The following FBXL17 variants were observed in gnomAD, a reference collection of about 807,000 sequenced individuals.
FBXL17 encodes F-box/LRR-repeat protein 17.
A neutral mutation model predicts 66.2 loss-of-function variants in FBXL17; 22 were observed. The ratio of observed to expected loss-of-function variants is 0.33; its 90% CI spans 0.24 to 0.47. The LOEUF is 0.47. Among genes scored for constraint, FBXL17 ranks in the 20% least tolerant of loss-of-function variants. FBXL17 has a pLI of 1.00. For synonymous variants in FBXL17, 474 were observed against 400.5 expected, an observed-to-expected ratio of 1.18 and a Z score of -2.19; for missense variants, 878 against 948.2, an observed-to-expected ratio of 0.93 and a Z score of 0.97.
chr5:108,212,464 T>A (rs1754418051), intron 5 of FBXL17, among the ~76,000 whole-genome samples: 1 of 152,208 alleles, frequency 6.6e-6, no homozygotes, highest in African/African-American at 2.4e-5. Flanking sequence ...CCCATCTTTG[T>A]GATTTACCTA....
chr5:108,122,492 T>C (rs1750542030), intron 6 of FBXL17, among the ~76,000 whole-genome samples: 8 of 152,218 alleles, frequency 5.3e-5, no homozygotes, highest in Admixed American at 5.2e-4. Context: ...ATTTATGAAT[T>C]TCCCTTAAAA....
chr5:108,178,556 A>G (rs754808431), intron 6 of FBXL17, among the ~76,000 whole-genome samples: 1 of 152,212 alleles, frequency 6.6e-6, no homozygotes, highest in Non-Finnish European at 1.5e-5. Flanking sequence ...AATATATTTC[A>G]TTATTCTTTT....
intron 7 of FBXL17, among the ~76,000 whole-genome samples, chr5:107,976,950 CT>C (rs1374343054): frequency 6.6e-6 from 1 of 152,210 alleles, no homozygotes; most frequent in African/African-American, 2.4e-5. Context: ...TCCCTTCTCT[CT>C]TTCCAAGCTC....
intron 7 of FBXL17, among the ~76,000 whole-genome samples, chr5:107,962,670 C>T (rs1048812292): frequency 2.0e-5 from 3 of 150,278 alleles, no homozygotes; most frequent in African/African-American, 7.4e-5. Context: ...ACAGGGCAAG[C>T]GTTAAAAGTT....
intron 7 of FBXL17, among the ~76,000 whole-genome samples, chr5:107,909,864 A>C (rs1413904777): frequency 6.6e-6 from 1 of 152,196 alleles, no homozygotes; most frequent in Non-Finnish European, 1.5e-5. Flanking sequence ...AAGGAGGTTT[A>C]AACATTTCAG....
In FBXL17 at chr5:108,381,366, G is replaced by A. The variant is rs1749900968; in HGVS notation, c.326C>T (p.Ala109Val). 7.5e-7 allele frequency: 1 copy of A among 1,335,076 alleles called. No homozygotes were observed. The highest frequency in any genetic ancestry group is 9.5e-7 in the Non-Finnish European group (1 of 1,051,838). 82.7% of individuals were successfully genotyped at this position (1,335,076 alleles called of 1,614,324 possible). ...GCGGGCAGCAGCGGCGCAGTCCTCG[G>A]CGGCCAGGGCCGCGTAGCGCCGCGC... ...HLARRYAALAAEDCAAAARRF... is the reference protein window; with the variant it reads ...HLARRYAALAVEDCAAAARRF... Residue 109 changes from alanine (A) to valine (V), a missense_variant, in exon 1 of 9, where the codon GCC (alanine) becomes GTC (valine). Transcript: ENST00000542267.
intron 6 of FBXL17, among the ~76,000 whole-genome samples, chr5:108,132,298 CAA>C (rs1561425985): frequency 6.6e-6 from 1 of 152,060 alleles, no homozygotes; most frequent in Admixed American, 6.6e-5. Context: ...TTAAGAAATG[CAA>C]AAGTGTGAAG....
At chr5:108,246,380 G>A (rs561153212) in intron 4 of FBXL17, among the ~76,000 whole-genome samples, 17 of 152,114 alleles carry the variant, frequency 1.1e-4, no homozygotes, top group South Asian at 2.1e-4. Context: ...AGCTGGGCAC[G>A]GTTGTGCACA....
chr5:108,302,342 G>C (rs1030623920), intron 4 of FBXL17, among the ~76,000 whole-genome samples: 1 of 151,778 alleles, frequency 6.6e-6, no homozygotes, highest in Non-Finnish European at 1.5e-5. Flanking sequence ...TTTATGGAAT[G>C]AGTGCTTCAA....
intron 7 of FBXL17, among the ~76,000 whole-genome samples, chr5:108,001,433 A>C (rs1753723369): frequency 6.6e-6 from 1 of 152,228 alleles, no homozygotes; most frequent in East Asian, 1.9e-4. Context: ...TCTGTATTTA[A>C]ATATTTGAGT....
chr5:108,136,333 A>C (rs10900903), intron 6 of FBXL17, among the ~76,000 whole-genome samples: 46,333 of 151,986 alleles, frequency 0.3, 8,298 homozygotes, highest in Admixed American at 0.41. Context: ...AACATACTTT[A>C]GCTTGGTAAA....
intron 5 of FBXL17, among the ~76,000 whole-genome samples, chr5:108,216,207 A>T (rs1043736862): frequency 1.3e-5 from 2 of 152,094 alleles, no homozygotes; most frequent in African/African-American, 4.8e-5. Flanking sequence ...TAATTTCAAT[A>T]TCAGATTTTC....
At chr5:108,078,551 C>T (rs1182042105) in intron 6 of FBXL17, among the ~76,000 whole-genome samples, 1 of 152,154 alleles carries the variant, frequency 6.6e-6, no homozygotes, top group African/African-American at 2.4e-5. Flanking sequence ...GCCAGCGGGC[C>T]TTCTCTAGCT....
chr5:107,983,287 G>A (rs1016723055), intron 7 of FBXL17, among the ~76,000 whole-genome samples: 9 of 152,088 alleles, frequency 5.9e-5, no homozygotes, highest in Admixed American at 6.5e-5. Context: ...AATCTCCCAA[G>A]CTCAAGTGAT....
chr5:108,321,850 C>G (rs1204097335), intron 4 of FBXL17, among the ~76,000 whole-genome samples: 1 of 151,606 alleles, frequency 6.6e-6, no homozygotes, highest in South Asian at 2.1e-4. Context: ...ATAAAAAGTG[C>G]CTAGGAAGGT....
chr5:108,381,804 T>G lies in FBXL17; in HGVS notation c.-113A>C. ...GCTCGGCCCCCGGAGGGGTCGCCCT[T>G]CCTGCGCACACACACGCACACACGG... On this transcript the variant is annotated 5_prime_UTR_variant, in exon 1 of 9. Transcript: ENST00000542267. The G allele has an allele frequency of 7.4e-7, 1 of 1,351,404 alleles. No individual in the cohort carries two copies. The allele number at this position is 1,351,404 out of a possible 1,614,324, so 83.7% of individuals were successfully genotyped here.
chr5:108,075,838 G>C (rs961400784), intron 6 of FBXL17, among the ~76,000 whole-genome samples: 1 of 151,928 alleles, frequency 6.6e-6, no homozygotes, highest in African/African-American at 2.4e-5. Flanking sequence ...TAAAGTCAAG[G>C]TTATCATGTC....
At chr5:108,318,945 A>C (rs1428032327) in intron 4 of FBXL17, among the ~76,000 whole-genome samples, 1 of 151,888 alleles carries the variant, frequency 6.6e-6, no homozygotes, top group Non-Finnish European at 1.5e-5. Flanking sequence ...TAAAAAAATA[A>C]GTCATAACAC....
chr5:108,280,231 C>G (rs1348523561), intron 4 of FBXL17, among the ~76,000 whole-genome samples: 2 of 152,044 alleles, frequency 1.3e-5, no homozygotes, highest in African/African-American at 4.8e-5. Context: ...AGAAAAAAAG[C>G]ACCTATTCAC....
Sources: gnomAD v4.1 joint callset for allele counts (sites outside exome capture counted in the v4.1 genomes callset) on GRCh38, gnomAD v4.1.1 for gene constraint, MANE v1.5 for transcripts, NCBI Gene and HGNC (gene_info 2026-07-23, HGNC 2026-07-21) for gene names.